STPG2: variants seen among roughly 807,000 people sequenced by gnomAD.
The protein encoded by STPG2 is sperm-tail PG-rich repeat-containing protein 2.
In STPG2, 56 loss-of-function variants were observed where a neutral mutation model predicts 54.2. That is an observed-to-expected ratio of 1.03 (90% confidence interval 0.83 to 1.29). The LOEUF is 1.29. Ranked by LOEUF, STPG2 falls within the 50% of genes most tolerant of loss-of-function variation. The pLI is 0.00. For synonymous variants in STPG2, 200 were observed against 181.8 expected (o/e 1.10, Z -0.81); for missense variants, 596 against 544.9 (o/e 1.09, Z -0.93).
chr4:97,802,794 G>A (rs142292837), intron 9 of STPG2, among the ~76,000 whole-genome samples: 250 of 152,022 alleles, frequency 1.6e-3, no homozygotes, highest in Middle Eastern at 3.4e-3. Context: ...ATTAAACCAC[G>A]TATACATATT....
At chr4:97,464,863 T>G (rs1400012248) in intron 4 of STPG2, among the ~76,000 whole-genome samples, 1 of 152,154 alleles carries the variant, frequency 6.6e-6, no homozygotes, top group Non-Finnish European at 1.5e-5. Flanking sequence ...TCCACTCAAT[T>G]ATAGTACTCA....
At chr4:97,744,185 G>A (rs576149838) in intron 9 of STPG2, among the ~76,000 whole-genome samples, 1 of 151,398 alleles carries the variant, frequency 6.6e-6, no homozygotes, top group South Asian at 2.1e-4. Flanking sequence ...TGGTTTCCCA[G>A]ATGACAATAT....
chr4:97,568,217 G>A (rs12642926), intron 10 of STPG2, among the ~76,000 whole-genome samples: 72,496 of 151,962 alleles, frequency 0.48, 18,177 homozygotes, highest in South Asian at 0.63. Context: ...TTTTGAACTC[G>A]TCTTAGTAGG....
At chr4:97,785,851 T>A (rs1005500339) in intron 9 of STPG2, among the ~76,000 whole-genome samples, 5 of 149,972 alleles carry the variant, frequency 3.3e-5, no homozygotes, top group African/African-American at 1.2e-4. Context: ...AAAAAAAAAC[T>A]ATATGAGTTT....
intron 7 of STPG2, among the ~76,000 whole-genome samples, chr4:97,970,430 C>T (rs1176595793): frequency 6.6e-6 from 1 of 152,160 alleles, no homozygotes; most frequent in Middle Eastern, 3.2e-3. Flanking sequence ...CTACAGCAAC[C>T]AAAACAGTGT....
chr4:97,945,705 C>A (rs1733186757), intron 7 of STPG2, among the ~76,000 whole-genome samples: 1 of 151,278 alleles, frequency 6.6e-6, no homozygotes, highest in Admixed American at 6.6e-5. Context: ...CTTTTCAAGA[C>A]CCCAACATCT....
At chr4:97,643,120 A>G (rs1721811294) in intron 10 of STPG2, among the ~76,000 whole-genome samples, 1 of 151,676 alleles carries the variant, frequency 6.6e-6, no homozygotes, top group Admixed American at 6.6e-5. Flanking sequence ...ACAGACATTT[A>G]CTGAATGCAT....
chr4:97,567,859 T>C (rs1282751608), intron 10 of STPG2, among the ~76,000 whole-genome samples: 2 of 152,132 alleles, frequency 1.3e-5, no homozygotes, highest in African/African-American at 2.4e-5. Flanking sequence ...AAAGAATATA[T>C]AGATATGTGC....
chr4:97,544,057 T>G (rs2148863703), intron 4 of STPG2, among the ~76,000 whole-genome samples: 1 of 152,256 alleles, frequency 6.6e-6, no homozygotes, highest in South Asian at 2.1e-4. Context: ...ATGGGAAGTT[T>G]AATTTAAAAT....
chr4:97,906,198 C>A (rs1201834530), intron 8 of STPG2, among the ~76,000 whole-genome samples: 5 of 152,122 alleles, frequency 3.3e-5, no homozygotes, highest in Non-Finnish European at 7.3e-5. Context: ...CCACCGATCC[C>A]ACAGAAATAC....
chr4:97,977,740 C>T (rs948178873), intron 6 of STPG2, among the ~76,000 whole-genome samples: 1 of 152,162 alleles, frequency 6.6e-6, no homozygotes, highest in African/African-American at 2.4e-5. Flanking sequence ...TCAATCTCTC[C>T]ATGGAATGAG....
chr4:98,134,485 G>T (rs571457873), intron 1 of STPG2, 26 bp from the exon 2 acceptor site: 93 of 1,420,092 alleles, frequency 6.5e-5, no homozygotes, highest in Admixed American at 2.8e-4. Flanking sequence ...CATATGACCA[G>T]CAGATAAGAT....
At chr4:97,937,480 C>A (rs149295475) in intron 8 of STPG2, among the ~76,000 whole-genome samples, 3 of 152,198 alleles carry the variant, frequency 2.0e-5, no homozygotes, top group South Asian at 2.1e-4. Flanking sequence ...TGAATTTTTG[C>A]GGTTTTTTGT....
intron 4 of STPG2, among the ~76,000 whole-genome samples, chr4:97,466,981 G>A (rs1349250238): frequency 6.6e-6 from 1 of 151,910 alleles, no homozygotes; most frequent in Non-Finnish European, 1.5e-5. Context: ...ACCGACAAAT[G>A]TGTGAAGAAA....
intron 3 of STPG2, among the ~76,000 whole-genome samples, chr4:98,119,402 A>G (rs1382930122): frequency 2.6e-5 from 4 of 152,148 alleles, no homozygotes; most frequent in Non-Finnish European, 4.4e-5. Flanking sequence ...AGATTAAAGA[A>G]GACAAATACT....
At chr4:97,443,441 T>C (rs1729140296) in intron 4 of STPG2, among the ~76,000 whole-genome samples, 1 of 152,172 alleles carries the variant, frequency 6.6e-6, no homozygotes, top group Non-Finnish European at 1.5e-5. Flanking sequence ...GTTATCAGGA[T>C]ATCAAATGGA....
chr4:97,772,396 A>T (rs1726247843), intron 9 of STPG2, among the ~76,000 whole-genome samples: 1 of 152,214 alleles, frequency 6.6e-6, no homozygotes, highest in Admixed American at 6.5e-5. Context: ...AATTATTAAG[A>T]ACTGTCAGTT....
At chr4:97,882,411 C>G (rs1730410694) in intron 8 of STPG2, among the ~76,000 whole-genome samples, 1 of 152,158 alleles carries the variant, frequency 6.6e-6, no homozygotes, top group Non-Finnish European at 1.5e-5. Context: ...CATGTTGCCT[C>G]AAGGGCACAG....
intron 8 of STPG2, among the ~76,000 whole-genome samples, chr4:97,929,924 G>T (rs1240603228): frequency 6.6e-6 from 1 of 151,926 alleles, no homozygotes. Flanking sequence ...GTTTTGACAC[G>T]GAGTTTTACC....
Sources: gnomAD v4.1 joint callset for allele counts (sites outside exome capture counted in the v4.1 genomes callset) on GRCh38, gnomAD v4.1.1 for gene constraint, MANE v1.5 for transcripts, NCBI Gene and HGNC (gene_info 2026-07-23, HGNC 2026-07-21) for gene names.